The following PDE11A variants were observed in gnomAD, a reference collection of about 807,000 sequenced individuals.
The protein encoded by PDE11A is phosphodiesterase 11A, also known as dual 3',5'-cyclic-AMP and -GMP phosphodiesterase 11A.
Under a neutral mutation model 100.5 loss-of-function variants are expected in PDE11A, and 100 were observed. That is an observed-to-expected ratio of 1.00 (90% confidence interval 0.85 to 1.18). The LOEUF (loss-of-function observed/expected upper bound fraction) is 1.18, where lower values mean the gene tolerates loss of function less well. Among genes scored for constraint, PDE11A ranks in the 50% most tolerant of loss-of-function variants. PDE11A has a pLI of 0.00. For synonymous variants in PDE11A, 381 were observed against 420.8 expected, an observed-to-expected ratio of 0.91 and a Z score of 1.16; for missense variants, 1,141 against 1,152.6, an observed-to-expected ratio of 0.99 and a Z score of 0.15.
rs551200194 is a variant in PDE11A at position 177,771,768 on chromosome 2, T to C, written c.1738-2395A>G. Among the ~76,000 whole-genome samples, 5 of 152,244 alleles carry C rather than the reference T, an allele frequency of 3.3e-5. No individual in the cohort carries two copies. In the East Asian group the frequency reaches 9.6e-4, roughly 29 times the overall value. On this transcript the variant is annotated intron_variant, in intron 9 of 19. Transcript: ENST00000286063. ...TAAAATGTTACTTTCTGTGGGAGGCTGAGGCGGGCAGATCACCTGAGGTGA... is the reference window on the plus strand; with the variant it reads ...TAAAATGTTACTTTCTGTGGGAGGCCGAGGCGGGCAGATCACCTGAGGTGA...
chr2:177,881,386 T>C lies in PDE11A; in HGVS notation c.1303-5463A>G, dbSNP rs566871626. Among the ~76,000 whole-genome samples, 8 of 149,838 alleles carry C rather than the reference T, an allele frequency of 5.3e-5. No individual in the cohort carries two copies. In the South Asian group the frequency reaches 1.7e-3, roughly 31 times the overall value. ...ATCTATCTATCTATCTATCTATCTA[T>C]CCATCTATCTATCTAGTCTCCTATT... On this transcript the variant is annotated intron_variant, in intron 4 of 19. Transcript: ENST00000286063.
chr2:177,806,404 T>C (rs1325421095), intron 9 of PDE11A, among the ~76,000 whole-genome samples: 5 of 152,148 alleles, frequency 3.3e-5, no homozygotes, highest in African/African-American at 1.2e-4. Context: ...CTGAAACTAA[T>C]AAAAAGCTTC....
intron 2 of PDE11A, among the ~76,000 whole-genome samples, chr2:177,951,232 T>C (rs1340232483): frequency 7.2e-5 from 11 of 152,220 alleles, no homozygotes; most frequent in Admixed American, 4.6e-4. Context: ...GGTGTCCCTA[T>C]GGTCTAACTG....
At chr2:177,968,172 C>T (rs1224934157) in intron 2 of PDE11A, among the ~76,000 whole-genome samples, 3 of 152,112 alleles carry the variant, frequency 2.0e-5, no homozygotes, top group Non-Finnish European at 4.4e-5. Flanking sequence ...GACAAACAAA[C>T]AAACAAACAA....
chr2:177,989,291 C>A (rs2085975497), intron 2 of PDE11A, among the ~76,000 whole-genome samples: 1 of 152,156 alleles, frequency 6.6e-6, no homozygotes, highest in Non-Finnish European at 1.5e-5. Context: ...CAATATCAAT[C>A]CTGGATGTGG....
chr2:177,818,835 G>T (rs2083087239), intron 7 of PDE11A, among the ~76,000 whole-genome samples: 1 of 151,552 alleles, frequency 6.6e-6, no homozygotes, highest in African/African-American at 2.4e-5. Context: ...AAAACCACTA[G>T]CCTGTGTCCC....
intron 4 of PDE11A, among the ~76,000 whole-genome samples, chr2:177,895,923 T>A (rs544985921): frequency 6.6e-6 from 1 of 152,204 alleles, no homozygotes; most frequent in Non-Finnish European, 1.5e-5. Flanking sequence ...AATTATTATT[T>A]ATCAATTAAA....
upstream of PDE11A, among the ~76,000 whole-genome samples, chr2:178,075,551 C>CAA (rs397756518): frequency 0.042 from 1,967 of 46,574 alleles, 145 homozygotes; most frequent in African/African-American, 0.11. Flanking sequence ...GACTCTGTCT[C>CAA]AAAAAAAAAA....
At chr2:177,950,104 C>G (rs2085488845) in intron 2 of PDE11A, among the ~76,000 whole-genome samples, 1 of 152,164 alleles carries the variant, frequency 6.6e-6, no homozygotes, top group Non-Finnish European at 1.5e-5. Context: ...GTTTCAACAG[C>G]TACTTTCTTC....
rs774543060 is a variant in PDE11A at position 177,998,678 on chromosome 2, T to C, written c.1071+15624A>G. On this transcript the variant is annotated intron_variant, in intron 2 of 19. Coordinates refer to ENST00000286063, the MANE Select transcript of PDE11A (RefSeq NM_016953.4). ...TAGTACCACCTTTCACACCATCCAGTATCACTTGATAGGCATCTTTATGCT... is the reference window on the plus strand; with the variant it reads ...TAGTACCACCTTTCACACCATCCAGCATCACTTGATAGGCATCTTTATGCT... The C allele has an allele frequency of 6.7e-6, 8 of 1,191,900 alleles. No individual in the cohort carries two copies. The South Asian group carries it at 8.6e-5, about 13-fold the overall frequency. The allele number at this position is 1,191,900 out of a possible 1,614,324, so 73.8% of individuals were successfully genotyped here.
chr2:177,759,017 C>T (rs1164427189), intron 10 of PDE11A, among the ~76,000 whole-genome samples: 2 of 152,168 alleles, frequency 1.3e-5, no homozygotes, highest in Non-Finnish European at 2.9e-5. Flanking sequence ...GCAAGGATGG[C>T]ACCCAGTGGC....
chr2:177,913,208 T>G lies in PDE11A; in HGVS notation c.1072-8021A>C, dbSNP rs147137359. Reference sequence around the variant, plus strand: ...AGTCAATCATAGAACGTTGGACATTTAGGTTGCTTCCAATTTTAGATTAAT... The same window carrying G: ...AGTCAATCATAGAACGTTGGACATTGAGGTTGCTTCCAATTTTAGATTAAT... On this transcript the variant is annotated intron_variant, in intron 2 of 19. Transcript: ENST00000286063. Among the ~76,000 whole-genome samples, 1,040 of 152,280 alleles carry G rather than the reference T, an allele frequency of 6.8e-3. 11 individuals are homozygous for G. Among genetic ancestry groups the G allele is most frequent in the African/African-American group, 0.023 (965 of 41,560 alleles).
intron 1 of PDE11A, among the ~76,000 whole-genome samples, chr2:178,019,560 T>C (rs2086381096): frequency 2.0e-5 from 3 of 152,198 alleles, no homozygotes; most frequent in Admixed American, 2.0e-4. Flanking sequence ...AATATTAAGA[T>C]TTTATAAACC....
At chr2:178,035,130 TTAGAC>T (rs1375862814) in intron 1 of PDE11A, among the ~76,000 whole-genome samples, 2 of 150,696 alleles carry the variant, frequency 1.3e-5, no homozygotes, top group African/African-American at 4.9e-5. Flanking sequence ...GGACCACTAG[TTAGAC>T]TAATAAAGAA....
intron 9 of PDE11A, among the ~76,000 whole-genome samples, chr2:177,798,433 A>G (rs573746363): frequency 2.8e-4 from 43 of 152,334 alleles, no homozygotes; most frequent in Admixed American, 2.2e-3. Context: ...TTCTTGGCAC[A>G]TAATAGGTGA....
intron 9 of PDE11A, among the ~76,000 whole-genome samples, chr2:177,816,304 C>G (rs2083038633): frequency 6.6e-6 from 1 of 152,088 alleles, no homozygotes; most frequent in Non-Finnish European, 1.5e-5. Context: ...TAGAACTGCT[C>G]TTTTGGAACT....
intron 13 of PDE11A, among the ~76,000 whole-genome samples, chr2:177,710,559 A>G (rs758156719): frequency 6.6e-6 from 1 of 152,242 alleles, no homozygotes; most frequent in Non-Finnish European, 1.5e-5. Flanking sequence ...TAAAGCTTTT[A>G]TAAGTCTAGG....
chr2:177,865,459 CA>C (rs2084012770), intron 5 of PDE11A, among the ~76,000 whole-genome samples: 1 of 152,066 alleles, frequency 6.6e-6, no homozygotes, highest in Non-Finnish European at 1.5e-5. Flanking sequence ...ACAGTTGGTC[CA>C]AAAGTTAGAC....
intron 2 of PDE11A, among the ~76,000 whole-genome samples, chr2:178,098,000 A>G (rs2087516421): frequency 6.6e-6 from 1 of 152,248 alleles, no homozygotes; most frequent in Admixed American, 6.5e-5. Context: ...AGGCCTAGAT[A>G]TAGCCTAGCA....
Sources: allele counts gnomAD v4.1 joint callset (sites outside exome capture counted in the v4.1 genomes callset), GRCh38; gene constraint gnomAD v4.1.1; transcripts MANE v1.5; gene names NCBI Gene and HGNC (gene_info 2026-07-23, HGNC 2026-07-21).